The following CDH12 variants were observed in gnomAD, a reference collection of about 807,000 sequenced individuals.
CDH12 encodes the protein cadherin-12.
In CDH12, 41 loss-of-function variants were observed where a neutral mutation model predicts 74.1. The ratio of observed to expected loss-of-function variants is 0.55; its 90% CI spans 0.43 to 0.72. CDH12 has a LOEUF of 0.72. CDH12 is among the 30% of genes least tolerant of loss of function. CDH12 has a pLI of 0.00. For missense variants in CDH12, 945 were observed against 977.2 expected (o/e 0.97, Z 0.44); for synonymous variants, 399 against 355.0 (o/e 1.12, Z -1.39).
At chr5:22,611,198 G>A (rs1035866402) in intron 1 of CDH12, among the ~76,000 whole-genome samples, 1 of 151,978 alleles carries the variant, frequency 6.6e-6, no homozygotes, top group African/African-American at 2.4e-5. Context: ...AGGAAATTAT[G>A]GCACTTCTGA....
At chr5:22,723,202 C>A (rs549577734) in intron 1 of CDH12, among the ~76,000 whole-genome samples, 129 of 152,254 alleles carry the variant, frequency 8.5e-4, no homozygotes, top group African/African-American at 3.0e-3. Flanking sequence ...CACAAATTCA[C>A]AGAGGTACAA....
intron 2 of CDH12, among the ~76,000 whole-genome samples, chr5:22,462,150 A>C (rs1745550036): frequency 6.6e-6 from 1 of 152,184 alleles, no homozygotes; most frequent in South Asian, 2.1e-4. Flanking sequence ...TAGAGATCTT[A>C]CAAGGAAACT....
rs988896996 is a variant in CDH12 at position 22,380,129 on chromosome 5, C to T, written c.-333+25128G>A. On this transcript the variant is annotated intron_variant, in intron 3 of 14. Transcript: ENST00000382254. ...AGGCAATATTGGAAGGTAGTTTAGG[C>T]GTATTCTGAACAAAGAAAAAGAAAG... Among the ~76,000 whole-genome samples, 12 of 151,986 alleles carry T rather than the reference C, an allele frequency of 7.9e-5. No individual in the cohort carries two copies. The South Asian group carries it at 1.0e-3, about 13-fold the overall frequency.
At position 22,851,111 on chromosome 5, in the gene CDH12, C is replaced by T. The variant is rs1341195779; in HGVS notation, c.-523+1947G>A. ...CACATGAGGCATTAAGAGAAATTTT[C>T]TTCCCCATAAACTAAACACTGTTTG... On this transcript the variant is annotated intron_variant, in intron 1 of 14. Transcript: ENST00000382254. 2.6e-5 allele frequency among the ~76,000 whole-genome samples: 4 copies of T among 152,164 alleles called. No individual in the cohort carries two copies. In the East Asian group the frequency reaches 7.7e-4, roughly 29 times the overall value.
At chr5:22,294,367 C>T (rs564589858) in intron 3 of CDH12, among the ~76,000 whole-genome samples, 104 of 152,222 alleles carry the variant, frequency 6.8e-4, no homozygotes, top group Non-Finnish European at 2.2e-4. Flanking sequence ...AGAACAGAAG[C>T]CCTGTGTTGG....
At chr5:22,339,425 C>A (rs1265529466) in intron 3 of CDH12, among the ~76,000 whole-genome samples, 1 of 152,146 alleles carries the variant, frequency 6.6e-6, no homozygotes, top group Non-Finnish European at 1.5e-5. Context: ...GCTTAAAGCA[C>A]AGTAAATGTT....
chr5:22,657,650 T>G (rs1308001613), intron 1 of CDH12, among the ~76,000 whole-genome samples: 2 of 152,180 alleles, frequency 1.3e-5, no homozygotes, highest in East Asian at 1.9e-4. Context: ...ATGGTGACAT[T>G]TATCACTAAC....
chr5:22,169,396 G>GTATC (rs1748886768), intron 4 of CDH12, among the ~76,000 whole-genome samples: 1 of 151,866 alleles, frequency 6.6e-6, no homozygotes, highest in Non-Finnish European at 1.5e-5. Context: ...ATGAACAGTC[G>GTATC]TATCCATAAC....
intron 11 of CDH12, chr5:21,774,560 T>C (rs1745488063): frequency 6.6e-6 from 1 of 152,180 alleles, no homozygotes; most frequent in South Asian, 2.1e-4. Context: ...TCTATCTTAT[T>C]AGTTCTGTCC....
intron 1 of CDH12, among the ~76,000 whole-genome samples, chr5:22,778,513 C>G (rs991708272): frequency 2.6e-5 from 4 of 151,986 alleles, no homozygotes; most frequent in African/African-American, 4.8e-5. Flanking sequence ...AGCATTCCTC[C>G]CTCAACAAAC....
intron 6 of CDH12, chr5:21,889,810 A>C: frequency 1.0e-6 from 1 of 985,314 alleles, no homozygotes; most frequent in South Asian, 4.7e-5. Flanking sequence ...CTCAATATAG[A>C]TGATGAAGAA....
At chr5:22,601,324 A>G (rs909610533) in intron 1 of CDH12, among the ~76,000 whole-genome samples, 5 of 152,054 alleles carry the variant, frequency 3.3e-5, no homozygotes, top group African/African-American at 9.7e-5. Flanking sequence ...CGAATTCCAC[A>G]TGTTCTCACT....
At position 22,794,945 on chromosome 5, in the gene CDH12, C is replaced by CATATGTCATATATATAT. The variant is rs1421928855; in HGVS notation, c.-523+58096_-523+58112dup. On this transcript the variant is annotated intron_variant, in intron 1 of 14. Transcript: ENST00000382254. ...ATGATGTTTTGATGTTATATATATA[C>CATATGTCATATATATAT]ATATGTCATATATATATATATGTCA... 2.2e-3 allele frequency among the ~76,000 whole-genome samples: 331 copies of CATATGTCATATATATAT among 152,070 alleles called. 1 individual carries two copies. The highest frequency in any genetic ancestry group is 3.9e-3 in the Non-Finnish European group (264 of 67,994).
chr5:21,803,571 T>C (rs1391602056), intron 9 of CDH12, among the ~76,000 whole-genome samples: 2 of 152,186 alleles, frequency 1.3e-5, no homozygotes, highest in Non-Finnish European at 2.9e-5. Context: ...CCACAATAAC[T>C]GAAAATACAC....
chr5:22,848,937 T>G (rs1737426980), intron 1 of CDH12, among the ~76,000 whole-genome samples: 2 of 152,162 alleles, frequency 1.3e-5, no homozygotes, highest in African/African-American at 4.8e-5. Context: ...CATATAAAGT[T>G]TAGGATATAT....
intron 1 of CDH12, among the ~76,000 whole-genome samples, chr5:22,530,713 C>T (rs761915812): frequency 3.3e-5 from 5 of 152,032 alleles, no homozygotes; most frequent in Non-Finnish European, 7.4e-5. Flanking sequence ...GTAATTCTAT[C>T]ATCTCAATGC....
At chr5:21,927,295 A>C (rs1238680099) in intron 6 of CDH12, among the ~76,000 whole-genome samples, 1 of 152,148 alleles carries the variant, frequency 6.6e-6, no homozygotes. Flanking sequence ...AAAATATTAT[A>C]ATAAATCAGG....
At position 22,129,227 on chromosome 5, in the gene CDH12, G is replaced by T. The variant is rs572235453; in HGVS notation, c.-186-50365C>A. ...AGACTGGCTTGATTTTGTGACTTGT[G>T]TGACGGTAGCAAGTTATGTAACACC... On this transcript the variant is annotated intron_variant, in intron 4 of 14. Transcript: ENST00000382254. Among the ~76,000 whole-genome samples, 9 of 152,296 alleles carry T rather than the reference G, an allele frequency of 5.9e-5. No individual in the cohort carries two copies. In the East Asian group the frequency reaches 1.4e-3, roughly 23 times the overall value.
At chr5:21,814,942 A>G (rs928687787) in intron 9 of CDH12, among the ~76,000 whole-genome samples, 1 of 151,982 alleles carries the variant, frequency 6.6e-6, no homozygotes, top group African/African-American at 2.4e-5. Context: ...CTAAATAACA[A>G]TGAAGGAGTA....
Sources: gnomAD v4.1 joint callset for allele counts (sites outside exome capture counted in the v4.1 genomes callset) on GRCh38, gnomAD v4.1.1 for gene constraint, MANE v1.5 for transcripts, NCBI Gene and HGNC (gene_info 2026-07-23, HGNC 2026-07-21) for gene names.